The following HUNK variants were observed in gnomAD, a reference collection of about 807,000 sequenced individuals.
HUNK encodes hormonally up-regulated Neu-associated kinase.
HUNK carries 21 observed loss-of-function variants against 61.0 expected under a neutral mutation model. The observed-to-expected ratio is 0.34, with a 90% confidence interval of 0.24 to 0.50. The LOEUF is 0.50. HUNK is among the 20% of genes least tolerant of loss of function. HUNK has a pLI of 0.98. For synonymous variants in HUNK, 371 were observed against 386.1 expected, an observed-to-expected ratio of 0.96 and a Z score of 0.46; for missense variants, 772 against 945.7, an observed-to-expected ratio of 0.82 and a Z score of 2.41.
chr21:31,902,518 A>T (rs1177198031), intron 1 of HUNK, among the ~76,000 whole-genome samples: 1 of 152,164 alleles, frequency 6.6e-6, no homozygotes, highest in African/African-American at 2.4e-5. Context: ...CTCCAAAAAA[A>T]AAAATCTTCT....
chr21:31,979,782 TG>T, intron 7 of HUNK, among the ~76,000 whole-genome samples: 1 of 152,182 alleles, frequency 6.6e-6, no homozygotes, highest in Non-Finnish European at 1.5e-5. Flanking sequence ...CCCAAAGTGC[TG>T]GGATTACAGG....
chr21:31,996,167 G>A (rs926270331), intron 10 of HUNK, among the ~76,000 whole-genome samples: 4 of 152,210 alleles, frequency 2.6e-5, no homozygotes, highest in Admixed American at 6.5e-5. Flanking sequence ...AAACAGAGAT[G>A]GGGTGCAAAG....
chr21:31,885,788 G>A (rs2052341594), intron 1 of HUNK, among the ~76,000 whole-genome samples: 2 of 152,082 alleles, frequency 1.3e-5, no homozygotes, highest in South Asian at 2.1e-4. Flanking sequence ...AGGCTGTTGT[G>A]TAGTGGCACA....
intron 2 of HUNK, among the ~76,000 whole-genome samples, chr21:31,930,395 G>A (rs528092650): frequency 7.9e-5 from 12 of 152,318 alleles, no homozygotes; most frequent in Admixed American, 7.8e-4. Flanking sequence ...ACGGGAAGCT[G>A]AGACCCACAG....
At position 31,979,515 on chromosome 21, in the gene HUNK, C is replaced by CTTTTTTTT. The variant is rs71193166; in HGVS notation, c.1174-3990_1174-3983dup. 1.5e-3 allele frequency among the ~76,000 whole-genome samples: 51 copies of CTTTTTTTT among 34,344 alleles called. 3 individuals carry two copies. The highest frequency in any genetic ancestry group is 2.3e-3 in the Non-Finnish European group (40 of 17,586). The allele number at this position is 34,344 out of a possible 152,430, so 22.5% of individuals were successfully genotyped here. A position where few individuals can be genotyped will look rare whatever the true frequency, so the allele number is the denominator to read the frequency against. ...TTCTGGCTATTGAGTTGTTTGCATT[C>CTTTTTTTT]TTTTTTTTTTTTTTTTTTTTTTTTT... On this transcript the variant is annotated intron_variant, in intron 7 of 10. Coordinates refer to ENST00000270112, the MANE Select transcript of HUNK (RefSeq NM_014586.2).
At chr21:31,973,168 AT>A (rs1236216229) in intron 6 of HUNK, among the ~76,000 whole-genome samples, 3 of 151,590 alleles carry the variant, frequency 2.0e-5, no homozygotes, top group Non-Finnish European at 2.9e-5. Context: ...ATACTTTTTA[AT>A]TTTTTTATTA....
intron 5 of HUNK, among the ~76,000 whole-genome samples, chr21:31,963,644 A>T (rs777293540): frequency 2.7e-5 from 4 of 147,940 alleles, no homozygotes; most frequent in Non-Finnish European, 6.0e-5. Context: ...CTGCAGGCGC[A>T]TGCCACCATG....
intron 4 of HUNK, among the ~76,000 whole-genome samples, chr21:31,958,042 C>T (rs1410583193): frequency 6.6e-6 from 1 of 152,118 alleles, no homozygotes; most frequent in Non-Finnish European, 1.5e-5. Flanking sequence ...ACCTTGTAAG[C>T]CATCCTTGGA....
At chr21:31,877,854 G>GC (rs2052276405) in intron 1 of HUNK, among the ~76,000 whole-genome samples, 1 of 152,034 alleles carries the variant, frequency 6.6e-6, no homozygotes, top group Admixed American at 6.6e-5. Flanking sequence ...CATAACAAGT[G>GC]CCCCCCGCCC....
intron 4 of HUNK, among the ~76,000 whole-genome samples, chr21:31,946,814 C>A (rs1298749735): frequency 1.3e-5 from 2 of 152,202 alleles, no homozygotes; most frequent in Non-Finnish European, 2.9e-5. Flanking sequence ...GAAGTTTCAC[C>A]ATGTTGGCCA....
intron 2 of HUNK, among the ~76,000 whole-genome samples, chr21:31,929,210 C>T (rs573136852): frequency 6.6e-6 from 1 of 150,890 alleles, no homozygotes; most frequent in African/African-American, 2.4e-5. Flanking sequence ...ATTTAAACAT[C>T]ATTTAAAAGA....
chr21:31,909,348 G>T (rs1173801344), intron 1 of HUNK, among the ~76,000 whole-genome samples: 1 of 152,138 alleles, frequency 6.6e-6, no homozygotes, highest in Non-Finnish European at 1.5e-5. Context: ...ACTGAATTGG[G>T]GCTGGAGCCC....
At chr21:31,894,814 G>A (rs2052414379) in intron 1 of HUNK, among the ~76,000 whole-genome samples, 1 of 152,170 alleles carries the variant, frequency 6.6e-6, no homozygotes, top group Admixed American at 6.5e-5. Context: ...CAAGCCAAGT[G>A]GGGTCTGGAT....
intron 8 of HUNK, among the ~76,000 whole-genome samples, chr21:31,988,862 G>A (rs2053152540): frequency 2.2e-5 from 3 of 133,840 alleles, no homozygotes; most frequent in South Asian, 2.4e-4. Flanking sequence ...TTTCTTTCTC[G>A]GTTTCCAGAC....
In HUNK at chr21:31,896,133, G is replaced by A. The variant is rs74597911; in HGVS notation, c.261+22198G>A. On this transcript the variant is annotated intron_variant, in intron 1 of 10. Transcript: ENST00000270112. ...AAGGGCCTCAGGAGGAAGCAACCCT[G>A]CTGACACTTTGATCTCAGACTTTGG... 1.4e-3 allele frequency among the ~76,000 whole-genome samples: 213 copies of A among 152,306 alleles called. 1 individual carries two copies. In the East Asian group the frequency reaches 0.016, roughly 12 times the overall value.
At chr21:31,996,769 G>T (rs1411483252) in intron 10 of HUNK, among the ~76,000 whole-genome samples, 2 of 152,156 alleles carry the variant, frequency 1.3e-5, no homozygotes, top group Non-Finnish European at 2.9e-5. Context: ...ATACACTCAG[G>T]TGTAGCGGGC....
chr21:32,000,598 T>A lies in HUNK; in HGVS notation c.*1414T>A. ...TACAGAATGGCCTGGAGTCTTCAAC[T>A]TTTGACCGGTGCAGGTGTGACCAGA... On this transcript the variant is annotated 3_prime_UTR_variant, in exon 11 of 11. Coordinates refer to ENST00000270112, the MANE Select transcript of HUNK (RefSeq NM_014586.2). 2.5e-6 allele frequency: 1 copy of A among 399,120 alleles called. No individual in the cohort carries two copies. The highest frequency in any genetic ancestry group is 4.4e-6 in the Non-Finnish European group (1 of 226,124). 24.7% of individuals were successfully genotyped at this position (399,120 alleles called of 1,614,324 possible). A position where few individuals can be genotyped will look rare whatever the true frequency, so the allele number is the denominator to read the frequency against.
At chr21:31,934,955 C>T (rs957197946) in intron 2 of HUNK, among the ~76,000 whole-genome samples, 9 of 152,088 alleles carry the variant, frequency 5.9e-5, no homozygotes, top group Non-Finnish European at 1.2e-4. Context: ...TTGTGAATAG[C>T]GCTGTAGTGT....
intron 5 of HUNK, among the ~76,000 whole-genome samples, chr21:31,965,060 T>TA (rs546286998): frequency 1.1e-3 from 160 of 152,290 alleles, no homozygotes; most frequent in Middle Eastern, 0.01. Flanking sequence ...AGTTAAGATC[T>TA]AAATGACTCT....
Sources: gnomAD v4.1 joint callset for allele counts (sites outside exome capture counted in the v4.1 genomes callset) on GRCh38, gnomAD v4.1.1 for gene constraint, MANE v1.5 for transcripts, NCBI Gene and HGNC (gene_info 2026-07-23, HGNC 2026-07-21) for gene names.